The following CNBD1 variants were observed in gnomAD, a reference collection of about 807,000 sequenced individuals.
The protein encoded by CNBD1 is cyclic nucleotide-binding domain-containing protein 1.
CNBD1 carries 71 observed loss-of-function variants against 54.4 expected under a neutral mutation model. The observed-to-expected ratio is 1.30, with a 90% CI of 1.08 to 1.59. The LOEUF (loss-of-function observed/expected upper bound fraction) is 1.59. CNBD1 is among the 40% of genes most tolerant of loss of function. The pLI, the probability that CNBD1 is intolerant of heterozygous loss-of-function variation, is 0.00. For missense variants in CNBD1, 659 were observed against 518.0 expected (o/e 1.27, Z -2.64); for synonymous variants, 182 against 170.7 (o/e 1.07, Z -0.51).
chr8:87,133,813 T>C (rs1244087212), intron 4 of CNBD1, among the ~76,000 whole-genome samples: 1 of 152,132 alleles, frequency 6.6e-6, no homozygotes, highest in Non-Finnish European at 1.5e-5. Context: ...TTCTGATAAT[T>C]AGGAAATGTT....
At chr8:87,376,191 A>C (rs75759132) in intron 10 of CNBD1, among the ~76,000 whole-genome samples, 2,280 of 152,012 alleles carry the variant, frequency 0.015, 58 homozygotes, top group African/African-American at 0.049. Flanking sequence ...TGGGTGGCTT[A>C]AACAACAAAC....
At chr8:87,387,214 C>G (rs1586070853), downstream of CNBD1, among the ~76,000 whole-genome samples, 3 of 152,184 alleles carry the variant, frequency 2.0e-5, no homozygotes, top group South Asian at 6.2e-4. Context: ...GCAAAATAAC[C>G]AGCTAACATC....
At chr8:87,035,618 T>A in intron 4 of CNBD1, among the ~76,000 whole-genome samples, 1 of 152,236 alleles carries the variant, frequency 6.6e-6, no homozygotes, top group East Asian at 1.9e-4. Flanking sequence ...GTCTTCTTTT[T>A]ATTCTGTGTT....
intron 2 of CNBD1, among the ~76,000 whole-genome samples, chr8:87,421,408 A>G (rs1430101846): frequency 1.4e-5 from 2 of 139,914 alleles, no homozygotes; most frequent in Admixed American, 1.4e-4. Context: ...ATATCTCCCA[A>G]TGCTCTCCCT....
intron 4 of CNBD1, among the ~76,000 whole-genome samples, chr8:86,990,239 G>C (rs1189662974): frequency 6.6e-6 from 1 of 152,098 alleles, no homozygotes; most frequent in Non-Finnish European, 1.5e-5. Flanking sequence ...TCGGTTGTCT[G>C]TGTTTGTGGA....
chr8:87,181,522 T>C (rs995837692), intron 4 of CNBD1, among the ~76,000 whole-genome samples: 1 of 152,214 alleles, frequency 6.6e-6, no homozygotes, highest in Admixed American at 6.5e-5. Flanking sequence ...AAATATTCAC[T>C]GGTTAATATT....
At chr8:87,351,828 T>C in intron 9 of CNBD1, 34 bp downstream of exon 9, 2 of 1,414,228 alleles carry the variant, frequency 1.4e-6, no homozygotes, top group Non-Finnish European at 1.9e-6. Context: ...TTTAATCAAT[T>C]AATCTACTCT....
At chr8:87,242,598 C>A (rs1232126985) in intron 6 of CNBD1, among the ~76,000 whole-genome samples, 1 of 152,148 alleles carries the variant, frequency 6.6e-6, no homozygotes, top group African/African-American at 2.4e-5. Context: ...CAAGTTGTCC[C>A]ACCTTTCCAG....
At chr8:87,177,537 A>G (rs1813225258) in intron 4 of CNBD1, among the ~76,000 whole-genome samples, 1 of 152,218 alleles carries the variant, frequency 6.6e-6, no homozygotes. Flanking sequence ...GAGCATTGAT[A>G]ATGCACATCA....
chr8:87,408,512 T>G (rs761242618), intron 2 of CNBD1, among the ~76,000 whole-genome samples: 1 of 152,142 alleles, frequency 6.6e-6, no homozygotes, highest in Non-Finnish European at 1.5e-5. Flanking sequence ...GTCATCTTTA[T>G]GAACTATTTT....
At chr8:87,135,161 G>A (rs1563481857) in intron 4 of CNBD1, among the ~76,000 whole-genome samples, 1 of 151,940 alleles carries the variant, frequency 6.6e-6, no homozygotes, top group Non-Finnish European at 1.5e-5. Flanking sequence ...TATACCACAT[G>A]TGAATGGAAG....
intron 4 of CNBD1, among the ~76,000 whole-genome samples, chr8:87,093,567 A>G (rs955655617): frequency 1.3e-5 from 2 of 152,178 alleles, no homozygotes; most frequent in African/African-American, 4.8e-5. Flanking sequence ...TATAAAAGTT[A>G]ATAATATCTA....
intron 4 of CNBD1, among the ~76,000 whole-genome samples, chr8:87,030,513 T>C (rs556453576): frequency 5.3e-5 from 8 of 152,316 alleles, no homozygotes; most frequent in African/African-American, 1.9e-4. Context: ...TTTTCACTCC[T>C]TTATCTCCAT....
intron 4 of CNBD1, among the ~76,000 whole-genome samples, chr8:87,109,544 T>TC: frequency 7.2e-6 from 1 of 139,294 alleles, no homozygotes; most frequent in African/African-American, 2.5e-5. Flanking sequence ...TTCTTTCTTT[T>TC]TTTTTTTTTT....
chr8:86,924,657 G>A (rs1809328415), intron 3 of CNBD1, among the ~76,000 whole-genome samples: 1 of 151,940 alleles, frequency 6.6e-6, no homozygotes, highest in Admixed American at 6.6e-5. Context: ...TAAATAGAAG[G>A]AATTTAGGCT....
At chr8:87,406,404 C>A in intron 2 of CNBD1, among the ~76,000 whole-genome samples, 1 of 149,850 alleles carries the variant, frequency 6.7e-6, no homozygotes, top group Non-Finnish European at 1.5e-5. Context: ...TAAATATATT[C>A]ATTCACTAGA....
At chr8:87,172,411 C>T (rs909896526) in intron 4 of CNBD1, among the ~76,000 whole-genome samples, 7 of 151,900 alleles carry the variant, frequency 4.6e-5, no homozygotes, top group Admixed American at 1.3e-4. Flanking sequence ...AGACTAAACC[C>T]GATCTTTCTT....
intron 4 of CNBD1, among the ~76,000 whole-genome samples, chr8:87,099,890 C>T (rs945645280): frequency 1.3e-5 from 2 of 152,108 alleles, no homozygotes; most frequent in African/African-American, 4.8e-5. Context: ...GATTAGATGG[C>T]ATTGCCAAGG....
chr8:86,938,046 C>G (rs1809582570), intron 3 of CNBD1, among the ~76,000 whole-genome samples: 1 of 152,142 alleles, frequency 6.6e-6, no homozygotes, highest in South Asian at 2.1e-4. Context: ...AGCTCTTGAA[C>G]ACTTTGCAGC....
Sources: allele counts gnomAD v4.1 joint callset (sites outside exome capture counted in the v4.1 genomes callset), GRCh38; gene constraint gnomAD v4.1.1; transcripts MANE v1.5; gene names NCBI Gene and HGNC (gene_info 2026-07-23, HGNC 2026-07-21).